The following CHD5 variants were observed in gnomAD, a reference collection of about 807,000 sequenced individuals.
CHD5 encodes the protein chromodomain helicase DNA binding protein 5, also known as ATP-dependent chromatin remodeler CHD5.
In CHD5, 69 loss-of-function variants were observed where a neutral mutation model predicts 230.3. That is an observed-to-expected ratio of 0.30 (90% CI 0.25 to 0.37). The LOEUF (loss-of-function observed/expected upper bound fraction) is 0.37. Ranked by LOEUF, CHD5 falls within the 10% of genes least tolerant of loss-of-function variation. The pLI is 1.00. For missense variants in CHD5, 1,827 were observed against 2,622.8 expected (o/e 0.70, Z 6.63); for synonymous variants, 1,064 against 1,065.9 (o/e 1.00, Z 0.03).
At chr1:6,127,528 T>C (rs948972292) in intron 25 of CHD5, among the ~76,000 whole-genome samples, 9 of 149,496 alleles carry the variant, frequency 6.0e-5, no homozygotes, top group East Asian at 2.0e-4. Context: ...CCTGGAACGT[T>C]GGCGGTCCAG....
rs12037962 is a variant in CHD5 at position 6,103,005 on chromosome 1, G to A, written c.*2469C>T. 0.1 allele frequency: 15,306 copies of A among 152,404 alleles called. 1,042 individuals are homozygous for A. The highest frequency in any genetic ancestry group is 0.36 in the East Asian group (1,833 of 5,152). 9.4% of individuals were successfully genotyped at this position (152,404 alleles called of 1,614,324 possible). A position where few individuals can be genotyped will look rare whatever the true frequency, so the allele number is the denominator to read the frequency against. On this transcript the variant is annotated 3_prime_UTR_variant, in exon 42 of 42. Transcript: ENST00000262450. Reference sequence around the variant, plus strand: ...AATCGCAGACTGGCACTTTGGGCTCGCGTTCATGCCCGAGGACCCTGATTC... The same window carrying A: ...AATCGCAGACTGGCACTTTGGGCTCACGTTCATGCCCGAGGACCCTGATTC...
Position 6,130,251 on chromosome 1 carries a change from T to A in CHD5, c.3340A>T (p.Thr1114Ser), listed in dbSNP as rs1158845188. 6.2e-7 allele frequency: 1 copy of A among 1,614,014 alleles called. No homozygotes were observed. Among genetic ancestry groups the A allele is most frequent in the Non-Finnish European group, 8.5e-7 (1 of 1,179,962 alleles). Reference protein sequence around the residue: ...GLGINLATADTVIIYDSDWNP... With the variant: ...GLGINLATADSVIIYDSDWNP... ...CAGTCCGAGTCGTAGATGATGACAG[T>A]GTCCGCCGTGGCCAGGTTGATGCCC... The change falls in exon 22 of 42, where the codon ACT becomes TCT. Residue 1114 changes from threonine (T) to serine (S), a missense_variant. By Grantham distance (58) the Thr-to-Ser change is moderately conservative. Coordinates refer to ENST00000262450, the MANE Select transcript of CHD5 (RefSeq NM_015557.3). This position sits in a 1 kb window ranked among gnomAD's most constrained non-coding sequence, Gnocchi z 4.9.
intron 33 of CHD5, among the ~76,000 whole-genome samples, chr1:6,120,499 A>G (rs1557540592): frequency 6.9e-6 from 1 of 145,530 alleles, no homozygotes; most frequent in African/African-American, 2.5e-5. Context: ...TCTACTAAAA[A>G]TTAAAAAAAA....
At chr1:6,118,185 G>A (rs576972011) in intron 33 of CHD5, among the ~76,000 whole-genome samples, 3 of 152,190 alleles carry the variant, frequency 2.0e-5, no homozygotes, top group South Asian at 4.1e-4. Context: ...AGACCAGCCT[G>A]GGCAACATGG....
chr1:6,178,675 C>T (rs1391342935), intron 1 of CHD5, among the ~76,000 whole-genome samples: 2 of 152,120 alleles, frequency 1.3e-5, no homozygotes, highest in African/African-American at 2.4e-5. Flanking sequence ...GCCAACTTGG[C>T]CTGTCTAACA....
rs552424625 is a variant in CHD5, at chr1:6,163,653, G to A, written c.208-4138C>T. On this transcript the variant is annotated intron_variant, in intron 2 of 41. Coordinates refer to ENST00000262450, the MANE Select transcript of CHD5 (RefSeq NM_015557.3). ...ATCCAGCGGCAAGAAGGAAAGAAACGATCAAGAACCAGAGGCAGATTCACA... is the reference window on the plus strand; with the variant it reads ...ATCCAGCGGCAAGAAGGAAAGAAACAATCAAGAACCAGAGGCAGATTCACA... 4.8e-3 allele frequency among the ~76,000 whole-genome samples: 733 copies of A among 152,314 alleles called. 6 individuals are homozygous for A. Among genetic ancestry groups the A allele is most frequent in the African/African-American group, 0.016 (680 of 41,556 alleles).
intron 2 of CHD5, among the ~76,000 whole-genome samples, chr1:6,164,105 C>T (rs750569907): frequency 2.0e-4 from 31 of 152,362 alleles, no homozygotes; most frequent in South Asian, 4.1e-4. Flanking sequence ...TGGACAGTCC[C>T]GCCACCCTTC....
intron 33 of CHD5, among the ~76,000 whole-genome samples, chr1:6,116,037 C>T (rs894858937): frequency 1.3e-5 from 2 of 152,160 alleles, no homozygotes; most frequent in Non-Finnish European, 2.9e-5. Flanking sequence ...CTTATCAGCC[C>T]CCATCTTTTG....
Position 6,124,611 on chromosome 1 carries a change from C to T in CHD5, c.4445G>A (p.Gly1482Asp). ...CACGCCGTCTGCGAAGGTCTCTGCA[C>T]CATCCGCCCCCGGCTCACACAGGTG... The part of the protein sequence containing the change: ...MRHLCEPGAD[G>D]AETFADGVPR... Residue 1482 changes from glycine (G) to aspartate (D), a missense_variant, in exon 30 of 42, where the codon GGT (glycine) becomes GAT (aspartate). Physicochemically the swap from Gly to Asp is moderately conservative, Grantham distance 94. Transcript: ENST00000262450. 6.2e-7 allele frequency: 1 copy of T among 1,606,192 alleles called. No homozygotes were observed. The highest frequency in any genetic ancestry group is 8.5e-7 in the Non-Finnish European group (1 of 1,176,542).
In CHD5 at chr1:6,134,617, A is replaced by T; in HGVS notation, c.3012+101T>A. On this transcript the variant is annotated intron_variant, in intron 19 of 41. Transcript: ENST00000262450. The surrounding 1 kb of genome is among the most constrained non-coding windows in gnomAD (Gnocchi z 6.3). ...AGCCACAGAAATCGCCACAATGGCC[A>T]GGAGAACCTATCACAGCGGCCACAG... The T allele has an allele frequency of 8.0e-7, 1 of 1,257,484 alleles. No individual in the cohort carries two copies. Among genetic ancestry groups the T allele is most frequent in the Non-Finnish European group, 1.2e-6 (1 of 867,354 alleles). 77.9% of individuals were successfully genotyped at this position (1,257,484 alleles called of 1,614,324 possible). A position where few individuals can be genotyped will look rare whatever the true frequency, so the allele number is the denominator to read the frequency against.
chr1:6,146,932 C>A lies in CHD5; in HGVS notation c.1384-61G>T. 1 of 1,308,168 alleles carries A rather than the reference C, an allele frequency of 7.6e-7. No homozygotes were observed. The highest frequency in any genetic ancestry group is 1.0e-6 in the Non-Finnish European group (1 of 974,026). The allele number at this position is 1,308,168 out of a possible 1,614,324, so 81.0% of individuals were successfully genotyped here. On this transcript the variant is annotated intron_variant, in intron 9 of 41. Coordinates refer to ENST00000262450, the MANE Select transcript of CHD5 (RefSeq NM_015557.3). The surrounding 1 kb of genome is among the most constrained non-coding windows in gnomAD (Gnocchi z 5.1). Reference sequence around the variant, plus strand: ...GCTGCAGGGCCCCACCCTGAGGCTCCCATGACAGCAGGCTGCCATGCAGGC... The same window carrying A: ...GCTGCAGGGCCCCACCCTGAGGCTCACATGACAGCAGGCTGCCATGCAGGC...
rs1450297006 is a variant in CHD5 at position 6,105,387 on chromosome 1, T to C, written c.*87A>G. On this transcript the variant is annotated 3_prime_UTR_variant, in exon 42 of 42. Coordinates refer to ENST00000262450, the MANE Select transcript of CHD5 (RefSeq NM_015557.3). This position sits in a 1 kb window ranked among gnomAD's most constrained non-coding sequence, Gnocchi z 4.8. ...TGGCTCCTAAAAAGGTGGCAGCTTT[T>C]CTCTCCCATGTGGGTCGGGCAGGTG... The C allele has an allele frequency of 2.1e-6, 1 of 470,440 alleles. No individual in the cohort carries two copies. Among genetic ancestry groups the C allele is most frequent in the East Asian group, 7.0e-5 (1 of 14,384 alleles). 29.1% of individuals were successfully genotyped at this position (470,440 alleles called of 1,614,324 possible). A position where few individuals can be genotyped will look rare whatever the true frequency, so the allele number is the denominator to read the frequency against.
intron 31 of CHD5, among the ~76,000 whole-genome samples, chr1:6,122,644 A>G (rs1666489322): frequency 6.6e-6 from 1 of 152,232 alleles, no homozygotes; most frequent in Non-Finnish European, 1.5e-5. Context: ...TATCTGCCCA[A>G]AAGAACTCAA....
At chr1:6,168,699 C>T (rs931411789) in intron 1 of CHD5, among the ~76,000 whole-genome samples, 1 of 152,140 alleles carries the variant, frequency 6.6e-6, no homozygotes, top group African/African-American at 2.4e-5. Context: ...GAGAGAGGAC[C>T]ACAGTGTGGC....
rs916875264 is a variant in CHD5 at position 6,131,494 on chromosome 1, C to T, written c.3262+137G>A. ...AGGAATCCTTTTAACATTGGAAACT[C>T]GGACTGGCCTGCTGTCTTTAGCTGT... On this transcript the variant is annotated intron_variant, in intron 21 of 41. Coordinates refer to ENST00000262450, the MANE Select transcript of CHD5 (RefSeq NM_015557.3). The surrounding 1 kb of genome is among the most constrained non-coding windows in gnomAD (Gnocchi z 5.0). 2.1e-5 allele frequency: 12 copies of T among 564,476 alleles called. No homozygotes were observed. The highest frequency in any genetic ancestry group is 3.2e-5 in the Non-Finnish European group (10 of 310,460). 35.0% of individuals were successfully genotyped at this position (564,476 alleles called of 1,614,324 possible).
chr1:6,158,413 A>G (rs1264371901), intron 3 of CHD5, among the ~76,000 whole-genome samples: 1 of 152,042 alleles, frequency 6.6e-6, no homozygotes, highest in Non-Finnish European at 1.5e-5. Context: ...TGTGGCAAAG[A>G]CTCCATTTGT....
intron 3 of CHD5, among the ~76,000 whole-genome samples, chr1:6,158,255 C>G (rs1667109900): frequency 6.6e-6 from 1 of 152,184 alleles, no homozygotes; most frequent in South Asian, 2.1e-4. Flanking sequence ...TCCCATGTTC[C>G]TGGGGACGCT....
Position 6,125,545 on chromosome 1 carries a change from G to C in CHD5, c.4239C>G (p.Ala1413=). ...CCACCTCGATGTTGCCACCAACTCG[G>C]GCGAGAAGCGGGGGCAGGGGCTTGT... ...DRDKPLPPLL[A]RVGGNIEVLG... is the part of the protein sequence containing the mutation. Residue 1413 remains alanine, a synonymous_variant, in exon 28 of 42, where the codon GCC becomes GCG. Transcript: ENST00000262450. The surrounding 1 kb of genome is among the most constrained non-coding windows in gnomAD (Gnocchi z 6.7). 6.3e-7 allele frequency: 1 copy of C among 1,595,382 alleles called. No individual in the cohort carries two copies. Among genetic ancestry groups the C allele is most frequent in the Non-Finnish European group, 8.5e-7 (1 of 1,169,970 alleles).
At chr1:6,135,195 A>G (rs1666719539) in intron 18 of CHD5, 35 bp downstream of exon 18, 1 of 1,612,918 alleles carries the variant, frequency 6.2e-7, no homozygotes, top group African/African-American at 1.3e-5. Flanking sequence ...GGAAAGGGCG[A>G]GCACAGGCTG....
Sources: gnomAD v4.1 joint callset for allele counts (sites outside exome capture counted in the v4.1 genomes callset) on GRCh38, gnomAD v4.1.1 for gene constraint, Gnocchi (gnomAD v3.1) non-coding constraint, MANE v1.5 for transcripts, NCBI Gene and HGNC (gene_info 2026-07-23, HGNC 2026-07-21) for gene names.